The following KIF26B variants were observed in gnomAD, a reference collection of about 807,000 sequenced individuals.
KIF26B encodes the protein kinesin family member 26B, also known as kinesin-like protein KIF26B.
In KIF26B, 63 loss-of-function variants were observed where a neutral mutation model predicts 151.2. The observed-to-expected ratio is 0.42, with a 90% CI of 0.34 to 0.51. KIF26B has a LOEUF of 0.51. Ranked by LOEUF, KIF26B falls within the 20% of genes least tolerant of loss-of-function variation. The pLI is 0.07. For synonymous variants in KIF26B, 1,357 were observed against 1,262.1 expected, an observed-to-expected ratio of 1.08 and a Z score of -1.59; for missense variants, 2,813 against 2,913.6, an observed-to-expected ratio of 0.97 and a Z score of 0.79.
In KIF26B at chr1:245,683,515, C is replaced by T. The variant is rs569136580; in HGVS notation, c.2259-718C>T. 2.6e-5 allele frequency among the ~76,000 whole-genome samples: 4 copies of T among 152,294 alleles called. No individual in the cohort carries two copies. The East Asian group carries it at 7.7e-4, about 29-fold the overall frequency. On this transcript the variant is annotated intron_variant, in intron 10 of 14. Transcript: ENST00000407071. ...GCAACACTCCCTGCAAACCCCAGGG[C>T]CTCATTATCACCACTCAGGGCAGTG...
At chr1:245,160,658 A>T (rs1668516819) in intron 2 of KIF26B, among the ~76,000 whole-genome samples, 1 of 152,148 alleles carries the variant, frequency 6.6e-6, no homozygotes, top group African/African-American at 2.4e-5. Context: ...TTTATGTAAA[A>T]AAAAAAAAGT....
chr1:245,273,404 C>A (rs998544049), intron 2 of KIF26B, among the ~76,000 whole-genome samples: 2 of 138,388 alleles, frequency 1.4e-5, no homozygotes, highest in African/African-American at 5.4e-5. Flanking sequence ...GGGAACAGAG[C>A]GAGACTTATC....
chr1:245,157,390 G>A (rs149374236), intron 2 of KIF26B, among the ~76,000 whole-genome samples: 17 of 152,308 alleles, frequency 1.1e-4, no homozygotes, highest in Admixed American at 9.8e-4. Context: ...ATATTTACTC[G>A]GCCACTTCAA....
At chr1:245,362,681 T>C (rs996364713) in intron 2 of KIF26B, among the ~76,000 whole-genome samples, 1 of 152,166 alleles carries the variant, frequency 6.6e-6, no homozygotes, top group Non-Finnish European at 1.5e-5. Flanking sequence ...TTCTCTTCTT[T>C]TGAAATTAGT....
chr1:245,332,019 G>A lies in KIF26B; in HGVS notation c.466-34815G>A, dbSNP rs367961716. On this transcript the variant is annotated intron_variant, in intron 2 of 14. Transcript: ENST00000407071. The stretch of plus-strand genomic sequence containing the variant: ...TGGGTGCCTGTAGTCTCAGCTAGTC[G>A]GGAGGCTGAGGCAGGAGAATCACTT... Among the ~76,000 whole-genome samples the A allele has an allele frequency of 6.2e-4, 94 of 152,224 alleles. No homozygotes were observed. In the South Asian group the frequency reaches 0.017, roughly 28 times the overall value.
At chr1:245,443,288 TGCGGTCATCTCCCTCACTGTTCACCTAAA>T (rs1659160996) in intron 4 of KIF26B, among the ~76,000 whole-genome samples, 2 of 139,626 alleles carry the variant, frequency 1.4e-5, no homozygotes, top group Admixed American at 7.3e-5. Context: ...CTGTTCACCC[TGCGGTCATCTCCCTCACTGTTCACCTAAA>T]GCGGTCATCT....
chr1:245,213,932 A>T (rs1213013328), intron 2 of KIF26B, among the ~76,000 whole-genome samples: 2 of 152,066 alleles, frequency 1.3e-5, no homozygotes, highest in Non-Finnish European at 2.9e-5. Context: ...TTCTGTCCAC[A>T]CCCCTTCCCA....
At position 245,698,176 on chromosome 1, in the gene KIF26B, C is replaced by T. The variant is rs761044611; in HGVS notation, c.5895C>T (p.Asn1965=). The change falls in exon 13 of 15, where the codon AAC becomes AAT. Residue 1965 remains asparagine (N), a synonymous_variant. Coordinates refer to ENST00000407071, the MANE Select transcript of KIF26B (RefSeq NM_018012.4). This position sits in a 1 kb window ranked among gnomAD's most constrained non-coding sequence, Gnocchi z 4.0. The stretch of plus-strand genomic sequence containing the variant: ...CTTCCCCTGTGAGAAAACCCCCCAA[C>T]AGCACAGGCGTCCGCTGGGTGGATG... ...DTSSPVRKPP[N]STGVRWVDGP... 133 of 1,613,960 alleles carry T rather than the reference C, an allele frequency of 8.2e-5. No individual in the cohort carries two copies. The highest frequency in any genetic ancestry group is 1.1e-4 in the Non-Finnish European group (128 of 1,179,908).
intron 2 of KIF26B, among the ~76,000 whole-genome samples, chr1:245,212,858 A>G (rs1457637336): frequency 6.6e-6 from 1 of 152,234 alleles, no homozygotes; most frequent in Non-Finnish European, 1.5e-5. Context: ...AAATTATTTT[A>G]CAGCATATGG....
rs10599314 is a variant in KIF26B, at chr1:245,590,914, GAAA to G, written c.1351-11648_1351-11646del. 1.9e-3 allele frequency among the ~76,000 whole-genome samples: 176 copies of G among 91,388 alleles called. 1 individual carries two copies. In the South Asian group the frequency reaches 0.036, roughly 19 times the overall value. The allele number at this position is 91,388 out of a possible 152,430, so 60.0% of individuals were successfully genotyped here. On this transcript the variant is annotated intron_variant, in intron 5 of 14. Transcript: ENST00000407071. ...CAGTGAGATCCTGTCTCAAAAAAAA[GAAA>G]AAAAAAAAAAAAAATTGGATGACGT...
At chr1:245,510,098 C>T (rs1281477357) in intron 4 of KIF26B, among the ~76,000 whole-genome samples, 1 of 152,166 alleles carries the variant, frequency 6.6e-6, no homozygotes, top group Non-Finnish European at 1.5e-5. Context: ...TCTCTACCTT[C>T]TTCTCTTTTG....
intron 2 of KIF26B, among the ~76,000 whole-genome samples, chr1:245,301,788 A>G (rs999278198): frequency 6.6e-6 from 1 of 152,232 alleles, no homozygotes; most frequent in Admixed American, 6.5e-5. Context: ...ATTGGATCTC[A>G]AAGAAATCCC....
chr1:245,607,521 A>T, intron 6 of KIF26B, 130 bp from the exon 7 acceptor site: 1 of 685,686 alleles, frequency 1.5e-6, no homozygotes, highest in South Asian at 2.1e-5. Context: ...TTCACGACAG[A>T]GGCCAACCCA....
intron 3 of KIF26B, among the ~76,000 whole-genome samples, chr1:245,389,955 T>A (rs1401202177): frequency 6.6e-6 from 1 of 152,224 alleles, no homozygotes; most frequent in Non-Finnish European, 1.5e-5. Context: ...CCACAGACCA[T>A]CTGAGTCCCT....
intron 4 of KIF26B, among the ~76,000 whole-genome samples, chr1:245,503,595 T>TA (rs1042503662): frequency 1.3e-5 from 2 of 152,218 alleles, no homozygotes; most frequent in African/African-American, 4.8e-5. Flanking sequence ...TTGAGAGGGA[T>TA]AAAAAACCTC....
At chr1:245,653,280 A>G (rs1317662451) in intron 10 of KIF26B, among the ~76,000 whole-genome samples, 3 of 152,148 alleles carry the variant, frequency 2.0e-5, no homozygotes, top group Non-Finnish European at 1.5e-5. Flanking sequence ...CTCTATCTTG[A>G]TCTTGCTAAA....
At position 245,197,330 on chromosome 1, in the gene KIF26B, C is replaced by T. The variant is rs537341761; in HGVS notation, c.465+40647C>T. Among the ~76,000 whole-genome samples, 3 of 152,276 alleles carry T rather than the reference C, an allele frequency of 2.0e-5. No homozygotes were observed. In the South Asian group the frequency reaches 6.2e-4, roughly 32 times the overall value. On this transcript the variant is annotated intron_variant, in intron 2 of 14. Coordinates refer to ENST00000407071, the MANE Select transcript of KIF26B (RefSeq NM_018012.4). ...CTTAAACCTCTTTATTATCCTTCAG[C>T]ACTTAGCTTTGAATAGGATTAATCA...
chr1:245,465,762 G>A (rs992980008), intron 4 of KIF26B, among the ~76,000 whole-genome samples: 1 of 152,198 alleles, frequency 6.6e-6, no homozygotes, highest in Non-Finnish European at 1.5e-5. Flanking sequence ...AGCCGCTGGG[G>A]AGGCCTGAGG....
chr1:245,641,167 C>G (rs2043887625), intron 9 of KIF26B, among the ~76,000 whole-genome samples: 1 of 151,952 alleles, frequency 6.6e-6, no homozygotes, highest in African/African-American at 2.4e-5. Context: ...CCCTCCTGAC[C>G]TGTAAAATTT....
Sources: allele counts gnomAD v4.1 joint callset (sites outside exome capture counted in the v4.1 genomes callset), GRCh38; gene constraint gnomAD v4.1.1; non-coding constraint Gnocchi (gnomAD v3.1); transcripts MANE v1.5; gene names NCBI Gene and HGNC (gene_info 2026-07-23, HGNC 2026-07-21).